CNTN4: variants seen among roughly 807,000 people sequenced by gnomAD.
CNTN4 encodes contactin 4.
A neutral mutation model predicts 122.5 loss-of-function variants in CNTN4; 77 were observed. That is an observed-to-expected ratio of 0.63 (90% CI 0.52 to 0.76). The LOEUF (loss-of-function observed/expected upper bound fraction) is 0.76, where lower values mean the gene tolerates loss of function less well. Ranked by LOEUF, CNTN4 falls within the 30% of genes least tolerant of loss-of-function variation. The pLI, the probability that CNTN4 is intolerant of heterozygous loss-of-function variation, is 0.00. For synonymous variants in CNTN4, 512 were observed against 447.0 expected, an observed-to-expected ratio of 1.15 and a Z score of -1.83; for missense variants, 1,256 against 1,259.1, an observed-to-expected ratio of 1.00 and a Z score of 0.04.
chr3:2,708,176 A>G (rs952440933), intron 4 of CNTN4, among the ~76,000 whole-genome samples: 1 of 152,192 alleles, frequency 6.6e-6, no homozygotes. Context: ...TTAATCTCAT[A>G]GTTATTTACT....
At chr3:2,419,687 G>A (rs1437376720) in intron 3 of CNTN4, among the ~76,000 whole-genome samples, 3 of 152,144 alleles carry the variant, frequency 2.0e-5, no homozygotes, top group Non-Finnish European at 4.4e-5. Context: ...ATAGTGTCAT[G>A]CAGAAGATGA....
At chr3:2,101,229 C>G (rs1479512133) in intron 2 of CNTN4, among the ~76,000 whole-genome samples, 2 of 152,112 alleles carry the variant, frequency 1.3e-5, no homozygotes, top group African/African-American at 4.8e-5. Context: ...GATTTCTTTT[C>G]CGATCTAAGC....
At chr3:2,272,551 A>G (rs1195367396) in intron 2 of CNTN4, among the ~76,000 whole-genome samples, 8 of 152,182 alleles carry the variant, frequency 5.3e-5, no homozygotes, top group Non-Finnish European at 1.0e-4. Flanking sequence ...CTTTGTGCAT[A>G]CCAATTTACC....
intron 2 of CNTN4, among the ~76,000 whole-genome samples, chr3:2,158,395 T>A (rs1574962221): frequency 6.6e-6 from 1 of 152,228 alleles, no homozygotes. Context: ...TTTAACAATT[T>A]CTTACCATAT....
At chr3:2,524,437 C>A (rs1419644159) in intron 3 of CNTN4, among the ~76,000 whole-genome samples, 2 of 151,924 alleles carry the variant, frequency 1.3e-5, no homozygotes, top group South Asian at 2.1e-4. Context: ...GAACAGTGAC[C>A]CTATGAATAA....
At chr3:2,652,649 A>G (rs536452063) in intron 4 of CNTN4, among the ~76,000 whole-genome samples, 42 of 152,258 alleles carry the variant, frequency 2.8e-4, no homozygotes, top group African/African-American at 9.9e-4. Context: ...GGCCCAGAGC[A>G]CAGGGACTTG....
chr3:2,935,142 A>G (rs1181854394), intron 13 of CNTN4, among the ~76,000 whole-genome samples: 2 of 152,182 alleles, frequency 1.3e-5, no homozygotes, highest in Non-Finnish European at 2.9e-5. Context: ...ATAGTATGGC[A>G]TGTTATTTTA....
At chr3:2,606,678 C>G (rs1450357063) in intron 4 of CNTN4, among the ~76,000 whole-genome samples, 3 of 152,134 alleles carry the variant, frequency 2.0e-5, no homozygotes, top group Admixed American at 2.0e-4. Flanking sequence ...CCTCCATGCT[C>G]CTACCCCTGC....
chr3:2,576,489 A>G (rs528665965), intron 4 of CNTN4, among the ~76,000 whole-genome samples: 2 of 151,818 alleles, frequency 1.3e-5, no homozygotes, highest in African/African-American at 4.8e-5. Flanking sequence ...TGAAGTCTAT[A>G]TCTTGGTGCA....
intron 2 of CNTN4, among the ~76,000 whole-genome samples, chr3:2,229,356 C>G (rs2039400152): frequency 6.6e-6 from 1 of 152,146 alleles, no homozygotes; most frequent in Non-Finnish European, 1.5e-5. Flanking sequence ...GAGGGAACCA[C>G]TGTTTCCACA....
At chr3:2,296,648 C>A (rs997387351) in intron 2 of CNTN4, among the ~76,000 whole-genome samples, 2 of 151,830 alleles carry the variant, frequency 1.3e-5, no homozygotes, top group Non-Finnish European at 2.9e-5. Flanking sequence ...AAAGTTTAGG[C>A]AAATACAAAG....
chr3:2,480,285 A>G (rs1377447227), intron 3 of CNTN4, among the ~76,000 whole-genome samples: 1 of 152,142 alleles, frequency 6.6e-6, no homozygotes, highest in African/African-American at 2.4e-5. Context: ...AGACAAGAAA[A>G]AGTAAAAGTA....
intron 3 of CNTN4, among the ~76,000 whole-genome samples, chr3:2,505,807 C>T (rs2076715917): frequency 6.6e-6 from 1 of 152,194 alleles, no homozygotes; most frequent in African/African-American, 2.4e-5. Flanking sequence ...AAAATATCTA[C>T]TTAAAGAGAA....
intron 13 of CNTN4, among the ~76,000 whole-genome samples, chr3:2,926,337 C>G (rs896395195): frequency 6.6e-6 from 1 of 152,174 alleles, no homozygotes; most frequent in East Asian, 1.9e-4. Flanking sequence ...AATATCTAAA[C>G]TCTTCATCTG....
Position 2,184,827 on chromosome 3 carries a change from A to G in CNTN4, c.-145+84188A>G, listed in dbSNP as rs145317303. Among the ~76,000 whole-genome samples the G allele has an allele frequency of 7.2e-5, 11 of 152,264 alleles. No individual in the cohort carries two copies. The East Asian group carries it at 2.1e-3, about 29-fold the overall frequency. On this transcript the variant is annotated intron_variant, in intron 2 of 24. Coordinates refer to ENST00000418658, the MANE Select transcript of CNTN4 (RefSeq NM_175607.3). Reference sequence around the variant, plus strand: ...ACTTCCCAGCCTCCAGAAGTGTGAGAAAAAAATTTCCATGTTTACAAATTA... The same window carrying G: ...ACTTCCCAGCCTCCAGAAGTGTGAGGAAAAAATTTCCATGTTTACAAATTA...
In CNTN4 at chr3:2,300,633, A is replaced by G. The variant is rs183062619; in HGVS notation, c.-144-38545A>G. ...TGTCTCCAGGCTGGAGTGCAGTGGC[A>G]CAGTCTCGGCTCACTGCAACCTCTG... On this transcript the variant is annotated intron_variant, in intron 2 of 24. Coordinates refer to ENST00000418658, the MANE Select transcript of CNTN4 (RefSeq NM_175607.3). Among the ~76,000 whole-genome samples, 335 of 128,422 alleles carry G rather than the reference A, an allele frequency of 2.6e-3. 1 individual carries two copies. Among genetic ancestry groups the G allele is most frequent in the South Asian group, 0.02 (75 of 3,838 alleles). 84.2% of individuals were successfully genotyped at this position (128,422 alleles called of 152,430 possible).
At chr3:3,029,796 C>A (rs531871732) in intron 15 of CNTN4, among the ~76,000 whole-genome samples, 1 of 152,198 alleles carries the variant, frequency 6.6e-6, no homozygotes, top group Non-Finnish European at 1.5e-5. Flanking sequence ...AGAATACCTG[C>A]CTCAGAGGAC....
At chr3:2,566,220 A>ATAATTTTAGAAGAGTTCAT (rs2079153037) in intron 3 of CNTN4, among the ~76,000 whole-genome samples, 1 of 152,196 alleles carries the variant, frequency 6.6e-6, no homozygotes, top group Non-Finnish European at 1.5e-5. Flanking sequence ...AAAAGACACA[A>ATAATTTTAGAAGAGTTCAT]TACTTTTAGA....
chr3:2,384,728 C>G (rs192518326), intron 3 of CNTN4, among the ~76,000 whole-genome samples: 21 of 151,890 alleles, frequency 1.4e-4, no homozygotes, highest in Admixed American at 1.2e-3. Flanking sequence ...AAATTTGTCC[C>G]TGGCTCCTAC....
Sources: allele counts gnomAD v4.1 joint callset (sites outside exome capture counted in the v4.1 genomes callset), GRCh38; gene constraint gnomAD v4.1.1; transcripts MANE v1.5; gene names NCBI Gene and HGNC (gene_info 2026-07-23, HGNC 2026-07-21).